Variants in VPS45 observed in about 807,000 individuals in gnomAD.
VPS45 encodes vacuolar protein sorting 45 homolog.
A neutral mutation model predicts 75.9 loss-of-function variants in VPS45; 35 were observed. The ratio of observed to expected loss-of-function variants is 0.46; its 90% CI spans 0.35 to 0.61. The LOEUF (loss-of-function observed/expected upper bound fraction) is 0.61. Ranked by LOEUF, VPS45 falls within the 20% of genes least tolerant of loss-of-function variation. The pLI is 0.00. For missense variants in VPS45, 559 were observed against 685.9 expected (o/e 0.81, Z 2.07); for synonymous variants, 220 against 238.2 (o/e 0.92, Z 0.70).
intron 14 of VPS45, among the ~76,000 whole-genome samples, chr1:150,136,092 T>C (rs1414936419): frequency 1.4e-5 from 2 of 141,946 alleles, no homozygotes; most frequent in Non-Finnish European, 3.1e-5. Context: ...CTACTAAAAA[T>C]ACAAAAATTA....
Position 150,072,227 on chromosome 1 carries a change from G to C in VPS45, c.289+1G>C, listed in dbSNP as rs369341866. On this transcript the variant is annotated splice_donor_variant, in intron 3 of 14. Coordinates refer to ENST00000644510, the MANE Select transcript of VPS45 (RefSeq NM_007259.5). LOFTEE classifies it high-confidence loss of function. ...CCCAAATACACTATATATTTCATTTGTAAGTATGTTAGTTCACTTTTTCAA... is the reference window on the plus strand; with the variant it reads ...CCCAAATACACTATATATTTCATTTCTAAGTATGTTAGTTCACTTTTTCAA... The C allele has an allele frequency of 6.3e-7, 1 of 1,592,090 alleles. No individual in the cohort carries two copies. The highest frequency in any genetic ancestry group is 2.3e-5 in the East Asian group (1 of 43,986).
chr1:150,118,499 G>A (rs1039962226), intron 14 of VPS45, among the ~76,000 whole-genome samples: 1 of 151,582 alleles, frequency 6.6e-6, no homozygotes, highest in Admixed American at 6.6e-5. Context: ...TCTGCCTCCC[G>A]GATTCAAGCA....
intron 14 of VPS45, among the ~76,000 whole-genome samples, chr1:150,125,376 AC>A (rs1169950983): frequency 6.8e-6 from 1 of 147,980 alleles, no homozygotes; most frequent in Non-Finnish European, 1.5e-5. Context: ...TTTTTATTAT[AC>A]TTTAAGTTCT....
intron 14 of VPS45, among the ~76,000 whole-genome samples, chr1:150,135,649 CAT>C (rs1476330344): frequency 6.6e-6 from 1 of 151,272 alleles, no homozygotes; most frequent in Non-Finnish European, 1.5e-5. Flanking sequence ...CCTTAGGACT[CAT>C]AATTCATTTG....
In VPS45 at chr1:150,091,923, C is replaced by G. The variant is rs782395645; in HGVS notation, c.1105-14C>G. ...AGTGAAAGGGGGATAAATATAAGTT[C>G]TATCTTTCTTCAGAATATAAAAAGG... On this transcript the variant is annotated splice_polypyrimidine_tract_variant and intron_variant, in intron 10 of 14. Transcript: ENST00000644510. 1.2e-6 allele frequency: 2 copies of G among 1,609,968 alleles called. No homozygotes were observed. The highest frequency in any genetic ancestry group is 8.5e-7 in the Non-Finnish European group (1 of 1,178,454).
chr1:150,067,880 A>G lies in VPS45; in HGVS notation c.23A>G (p.Lys8Arg), dbSNP rs781836609. Residue 8 changes from lysine (K) to arginine (R), a missense_variant, in exon 1 of 15, where the codon AAG becomes AGG. By Grantham distance (26) the Lys-to-Arg change is conservative. Coordinates refer to ENST00000644510, the MANE Select transcript of VPS45 (RefSeq NM_007259.5). The part of the protein sequence containing the change: MNVVFAV[K>R]QYISKMIEDS... The stretch of plus-strand genomic sequence containing the variant: ...GCCATGAACGTGGTTTTTGCTGTGA[A>G]GCAGTACATTTCCAAAATGATAGAG... 1.2e-6 allele frequency: 2 copies of G among 1,614,092 alleles called. No individual in the cohort carries two copies. Among genetic ancestry groups the G allele is most frequent in the Non-Finnish European group, 1.7e-6 (2 of 1,180,020 alleles).
At chr1:150,115,158 T>A (rs1402249161) in intron 14 of VPS45, among the ~76,000 whole-genome samples, 1 of 152,202 alleles carries the variant, frequency 6.6e-6, no homozygotes, top group African/African-American at 2.4e-5. Flanking sequence ...CCTTCTGGAA[T>A]TACTGTGAGA....
chr1:150,077,915 C>G, intron 7 of VPS45, 136 bp downstream of exon 7: 1 of 726,514 alleles, frequency 1.4e-6, no homozygotes, highest in Non-Finnish European at 2.4e-6. Context: ...TTTGTATTTC[C>G]TGGTGTTTTG....
At chr1:150,086,081 C>G (rs959228007) in intron 10 of VPS45, among the ~76,000 whole-genome samples, 3 of 151,976 alleles carry the variant, frequency 2.0e-5, no homozygotes, top group Non-Finnish European at 4.4e-5. Flanking sequence ...ATAAAGATCT[C>G]AAATCATCCT....
At chr1:150,098,268 A>C (rs1283173370) in intron 13 of VPS45, among the ~76,000 whole-genome samples, 1 of 152,238 alleles carries the variant, frequency 6.6e-6, no homozygotes, top group Non-Finnish European at 1.5e-5. Flanking sequence ...TAGGTATTGT[A>C]ATCTTGAAGT....
intron 14 of VPS45, among the ~76,000 whole-genome samples, chr1:150,133,132 G>A (rs1658909725): frequency 6.6e-6 from 1 of 152,182 alleles, no homozygotes; most frequent in Admixed American, 6.5e-5. Flanking sequence ...AATGTACTAT[G>A]AAGATAGTCC....
intron 2 of VPS45, among the ~76,000 whole-genome samples, chr1:150,071,622 G>A (rs1201926194): frequency 2.0e-5 from 3 of 151,780 alleles, no homozygotes; most frequent in African/African-American, 7.3e-5. Flanking sequence ...CCCCGTCTCT[G>A]CTACAATTAC....
intron 6 of VPS45, 91 bp downstream of exon 6, chr1:150,077,322 C>T: frequency 6.9e-7 from 1 of 1,453,700 alleles, no homozygotes; most frequent in Non-Finnish European, 9.3e-7. Context: ...TTATTTACAA[C>T]CAAGGAGATG....
chr1:150,088,830 T>C (rs782145014), intron 10 of VPS45, among the ~76,000 whole-genome samples: 1 of 152,126 alleles, frequency 6.6e-6, no homozygotes, highest in African/African-American at 2.4e-5. Context: ...TTTAGGTTGA[T>C]TTTATATCTT....
At chr1:150,122,336 G>C (rs782030443) in intron 14 of VPS45, among the ~76,000 whole-genome samples, 1 of 151,972 alleles carries the variant, frequency 6.6e-6, no homozygotes, top group African/African-American at 2.4e-5. Context: ...TAAAGGAGGT[G>C]GGGGGAGTAA....
chr1:150,083,684 T>A (rs1233356115), intron 10 of VPS45, among the ~76,000 whole-genome samples: 7 of 148,288 alleles, frequency 4.7e-5, no homozygotes, highest in Non-Finnish European at 1.0e-4. Flanking sequence ...TATATATATA[T>A]AAAATATTTA....
chr1:150,104,653 C>A (rs587750280), intron 13 of VPS45, among the ~76,000 whole-genome samples: 24 of 152,276 alleles, frequency 1.6e-4, no homozygotes, highest in Non-Finnish European at 3.4e-4. Flanking sequence ...CAGCTCACTG[C>A]AGCCTTCCCA....
At chr1:150,096,273 A>G (rs1227458579) in intron 13 of VPS45, among the ~76,000 whole-genome samples, 1 of 152,234 alleles carries the variant, frequency 6.6e-6, no homozygotes, top group African/African-American at 2.4e-5. Context: ...GGAAATGGAA[A>G]CAAGAGGAGA....
intron 13 of VPS45, chr1:150,098,813 C>A: frequency 1.7e-6 from 2 of 1,207,654 alleles, no homozygotes; most frequent in Non-Finnish European, 2.2e-6. Context: ...TTCTTGCATA[C>A]CCTATTTTTC....
Sources: gnomAD v4.1 joint callset for allele counts (sites outside exome capture counted in the v4.1 genomes callset) on GRCh38, gnomAD v4.1.1 for gene constraint, MANE v1.5 for transcripts, NCBI Gene and HGNC (gene_info 2026-07-23, HGNC 2026-07-21) for gene names.